LYZL1: variants seen among roughly 807,000 people sequenced by gnomAD.
LYZL1 encodes lysozyme-like protein 1.
A neutral mutation model predicts 17.9 loss-of-function variants in LYZL1; 16 were observed. The observed-to-expected ratio is 0.90, with a 90% confidence interval of 0.61 to 1.36. The LOEUF is 1.36. LYZL1 is among the 40% of genes most tolerant of loss of function. LYZL1 has a pLI of 0.00. For synonymous variants in LYZL1, 58 were observed against 71.8 expected (o/e 0.81, Z 0.97); for missense variants, 149 against 188.4 (o/e 0.79, Z 1.22).
intron 3 of LYZL1, among the ~76,000 whole-genome samples, chr10:29,293,582 C>T (rs1253610027): frequency 6.6e-6 from 1 of 152,122 alleles, no homozygotes; most frequent in African/African-American, 2.4e-5. Context: ...TTTCATGTGA[C>T]ATGACAAGAA....
rs558469589 is a variant in LYZL1 at position 29,297,578 on chromosome 10, C to T, written c.298+4901C>T. 2.0e-5 allele frequency among the ~76,000 whole-genome samples: 3 copies of T among 152,308 alleles called. No homozygotes were observed. In the East Asian group the frequency reaches 5.8e-4, roughly 29 times the overall value. The stretch of plus-strand genomic sequence containing the variant: ...TTGCACCATTCTGCTTTGTCTCATA[C>T]TGGATATAAATTATTTCTTTGTCCA... On this transcript the variant is annotated intron_variant, in intron 3 of 4. Transcript: ENST00000649382.
In LYZL1 at chr10:29,291,748, G is replaced by A. The variant is rs569756367; in HGVS notation, c.-25-95G>A. ...GTGGCACTGAATGACCAAAGTGACAGGCAGCATCTAGGCAGGGCTGTGCAC... is the reference window on the plus strand; with the variant it reads ...GTGGCACTGAATGACCAAAGTGACAAGCAGCATCTAGGCAGGGCTGTGCAC... On this transcript the variant is annotated intron_variant, in intron 1 of 4. Transcript: ENST00000649382. The A allele has an allele frequency of 6.9e-5, 96 of 1,383,150 alleles. No individual in the cohort carries two copies. In the South Asian group the frequency reaches 1.3e-3, roughly 19 times the overall value. The allele number at this position is 1,383,150 out of a possible 1,614,324, so 85.7% of individuals were successfully genotyped here.
At chr10:29,308,064 CA>C (rs1174216212) in intron 3 of LYZL1, among the ~76,000 whole-genome samples, 1 of 152,136 alleles carries the variant, frequency 6.6e-6, no homozygotes, top group Admixed American at 6.5e-5. Flanking sequence ...AATTGACAAG[CA>C]GAAATGAGAT....
intron 3 of LYZL1, among the ~76,000 whole-genome samples, chr10:29,297,242 A>T (rs534744495): frequency 2.6e-5 from 4 of 152,190 alleles, no homozygotes; most frequent in Non-Finnish European, 5.9e-5. Flanking sequence ...AAAAGAGATG[A>T]GTGAAAAATA....
intron 3 of LYZL1, among the ~76,000 whole-genome samples, chr10:29,297,913 G>A (rs1462953532): frequency 1.3e-5 from 2 of 152,144 alleles, no homozygotes; most frequent in African/African-American, 4.8e-5. Flanking sequence ...AACACTGGAA[G>A]CTAGAAGAAA....
chr10:29,315,232 G>A (rs760802799), downstream of LYZL1, among the ~76,000 whole-genome samples: 2 of 152,142 alleles, frequency 1.3e-5, no homozygotes, highest in African/African-American at 4.8e-5. Flanking sequence ...AATTTAGGCC[G>A]GGCGCAGTGG....
intron 3 of LYZL1, among the ~76,000 whole-genome samples, chr10:29,302,514 G>A (rs1253336801): frequency 6.6e-6 from 1 of 152,202 alleles, no homozygotes; most frequent in Non-Finnish European, 1.5e-5. Flanking sequence ...TCCTCTTCGT[G>A]CATTTGCGCA....
At chr10:29,295,428 C>G (rs1232928851) in intron 3 of LYZL1, among the ~76,000 whole-genome samples, 1 of 152,196 alleles carries the variant, frequency 6.6e-6, no homozygotes. Flanking sequence ...CTTTTGAACC[C>G]TTCTCTGTCC....
intron 3 of LYZL1, among the ~76,000 whole-genome samples, chr10:29,307,784 C>G (rs1045798871): frequency 1.3e-5 from 2 of 151,948 alleles, no homozygotes; most frequent in African/African-American, 4.8e-5. Flanking sequence ...CTAGAGTAAA[C>G]CACTTTGTAA....
At chr10:29,303,915 T>C (rs1011165775) in intron 3 of LYZL1, among the ~76,000 whole-genome samples, 1 of 152,202 alleles carries the variant, frequency 6.6e-6, no homozygotes, top group Admixed American at 6.5e-5. Context: ...ATACACTTCA[T>C]GATCTTTTTC....
chr10:29,302,726 G>A (rs1391025686), intron 3 of LYZL1, among the ~76,000 whole-genome samples: 2 of 152,192 alleles, frequency 1.3e-5, no homozygotes, highest in African/African-American at 4.8e-5. Flanking sequence ...TGAATGCTGA[G>A]GCTCATCGTG....
chr10:29,315,832 G>T (rs183289519), downstream of LYZL1, among the ~76,000 whole-genome samples: 1 of 135,976 alleles, frequency 7.4e-6, no homozygotes, highest in African/African-American at 2.5e-5. Flanking sequence ...CTGGGCAACA[G>T]AGTGAAACAC....
At chr10:29,309,615 G>A (rs1022566445) in intron 3 of LYZL1, among the ~76,000 whole-genome samples, 1 of 151,998 alleles carries the variant, frequency 6.6e-6, no homozygotes, top group Non-Finnish European at 1.5e-5. Flanking sequence ...TCGCACTTCA[G>A]GCTCCTGAGT....
chr10:29,296,941 T>C (rs1392633568), intron 3 of LYZL1, among the ~76,000 whole-genome samples: 2 of 151,514 alleles, frequency 1.3e-5, no homozygotes, highest in African/African-American at 4.9e-5. Context: ...TGAAAAAAAA[T>C]GAAGCAAAAA....
rs547975798 is a variant in LYZL1, at chr10:29,299,670, C to T, written c.298+6993C>T. Among the ~76,000 whole-genome samples, 15 of 152,228 alleles carry T rather than the reference C, an allele frequency of 9.9e-5. No homozygotes were observed. The East Asian group carries it at 1.5e-3, about 16-fold the overall frequency. On this transcript the variant is annotated intron_variant, in intron 3 of 4. Transcript: ENST00000649382. ...AATTGACCCTTTTGTCACTGGAGTC[C>T]GTGTTTCTCCTTAACTCTGGTACTA...
chr10:29,291,657 C>G (rs909922717), intron 1 of LYZL1, among the ~76,000 whole-genome samples, 186 bp from the exon 2 acceptor site: 2 of 152,094 alleles, frequency 1.3e-5, no homozygotes, highest in African/African-American at 4.8e-5. Flanking sequence ...TATGGAAAAG[C>G]ATTAAGGAAA....
chr10:29,313,615 G>A (rs1002458856), downstream of LYZL1, among the ~76,000 whole-genome samples: 6 of 152,196 alleles, frequency 3.9e-5, no homozygotes, highest in South Asian at 1.2e-3. Context: ...CTTCCCCCAT[G>A]TTTGATTTAT....
At chr10:29,294,954 T>C (rs916026676) in intron 3 of LYZL1, among the ~76,000 whole-genome samples, 1 of 152,210 alleles carries the variant, frequency 6.6e-6, no homozygotes, top group Admixed American at 6.5e-5. Context: ...TGTAAGCACC[T>C]TCTCTCTGAC....
chr10:29,292,902 C>CT (rs1374781475), intron 3 of LYZL1, among the ~76,000 whole-genome samples: 1 of 152,114 alleles, frequency 6.6e-6, no homozygotes, highest in African/African-American at 2.4e-5. Flanking sequence ...TTATGAAGCC[C>CT]CCACTAAAGC....
Sources: allele counts gnomAD v4.1 joint callset (sites outside exome capture counted in the v4.1 genomes callset), GRCh38; gene constraint gnomAD v4.1.1; transcripts MANE v1.5; gene names NCBI Gene and HGNC (gene_info 2026-07-23, HGNC 2026-07-21).